The following MARF1 variants were observed in gnomAD, a reference collection of about 807,000 sequenced individuals.
The protein encoded by MARF1 is meiosis regulator and mRNA stability factor 1.
MARF1 carries 24 observed loss-of-function variants against 168.2 expected under a neutral mutation model. That is an observed-to-expected ratio of 0.14 (90% confidence interval 0.10 to 0.20). The LOEUF is 0.20. MARF1 is among the 10% of genes least tolerant of loss of function. MARF1 has a pLI of 1.00. For missense variants in MARF1, 1,744 were observed against 2,143.6 expected (o/e 0.81, Z 3.68); for synonymous variants, 868 against 822.4 (o/e 1.06, Z -0.95).
intron 20 of MARF1, among the ~76,000 whole-genome samples, chr16:15,608,977 G>A (rs978794673): frequency 5.9e-5 from 9 of 152,158 alleles, no homozygotes; most frequent in East Asian, 1.9e-4. Flanking sequence ...GGTGGCTCAC[G>A]CCTGTAATCC....
In MARF1 at chr16:15,596,575, G is replaced by T; in HGVS notation, c.*118C>A. ...AAACATGATAGAACACAGGTAAGAT[G>T]AAGTCAATGGCTTCGGGGGGTTTTC... On this transcript the variant is annotated 3_prime_UTR_variant, in exon 27 of 27. Transcript: ENST00000396368. The T allele has an allele frequency of 9.9e-7, 1 of 1,014,774 alleles. No individual in the cohort carries two copies. Among genetic ancestry groups the T allele is most frequent in the Non-Finnish European group, 1.4e-6 (1 of 715,818 alleles). The allele number at this position is 1,014,774 out of a possible 1,614,324, so 62.9% of individuals were successfully genotyped here. A position where few individuals can be genotyped will look rare whatever the true frequency, so the allele number is the denominator to read the frequency against.
intron 4 of MARF1, among the ~76,000 whole-genome samples, chr16:15,634,191 C>T (rs527841914): frequency 6.6e-6 from 1 of 152,198 alleles, no homozygotes; most frequent in South Asian, 2.1e-4. Flanking sequence ...CTCCAGGACC[C>T]GACTTTCAAG....
chr16:15,600,835 T>C, intron 23 of MARF1, 134 bp from the exon 24 acceptor site: 4 of 872,198 alleles, frequency 4.6e-6, no homozygotes, highest in South Asian at 1.4e-5. Flanking sequence ...AAGAAGCATG[T>C]TTCTCTACTC....
chr16:15,601,512 G>A (rs2032425456), intron 23 of MARF1: 2 of 227,732 alleles, frequency 8.8e-6, no homozygotes, highest in African/African-American at 2.3e-5. Context: ...TTAGCCTCTC[G>A]ACACTCCATG....
At chr16:15,603,617 T>C (rs1753753675) in intron 22 of MARF1, among the ~76,000 whole-genome samples, 1 of 152,222 alleles carries the variant, frequency 6.6e-6, no homozygotes, top group Non-Finnish European at 1.5e-5. Context: ...ATTGGTCTAA[T>C]TTTTAACTTC....
chr16:15,612,175 C>T (rs1157162074), intron 17 of MARF1, among the ~76,000 whole-genome samples: 1 of 152,166 alleles, frequency 6.6e-6, no homozygotes, highest in Non-Finnish European at 1.5e-5. Context: ...TTGTCTCCAA[C>T]TAGTTAAATT....
rs772886811 is a variant in MARF1 at position 15,634,824 on chromosome 16, G to A, written c.939C>T (p.Thr313=). 6.2e-7 allele frequency: 1 copy of A among 1,614,000 alleles called. No homozygotes were observed. Among genetic ancestry groups the A allele is most frequent in the Non-Finnish European group, 8.5e-7 (1 of 1,179,920 alleles). The stretch of plus-strand genomic sequence containing the variant: ...ACGTGGTCTCCTTCCCTGTTCCTTT[G>A]GTTCCACAGCCATTACACAGAGGGA... ...LAVPLCNGCG[T]KGTGKETTLL... is the part of the protein sequence containing the mutation. Residue 313 remains threonine (T), a synonymous_variant, in exon 4 of 27, where the codon ACC becomes ACT. Transcript: ENST00000396368.
intron 22 of MARF1, 66 bp downstream of exon 22, chr16:15,604,102 G>A: frequency 1.6e-6 from 2 of 1,228,818 alleles, no homozygotes; most frequent in South Asian, 2.6e-5. Flanking sequence ...TAGACCATCA[G>A]GTAATCCGGA....
At chr16:15,598,399 CTGTT>C (rs1006117318) in intron 26 of MARF1, among the ~76,000 whole-genome samples, 1 of 152,186 alleles carries the variant, frequency 6.6e-6, no homozygotes, top group Non-Finnish European at 1.5e-5. Context: ...AGCTTCCTGT[CTGTT>C]ATATCACTGG....
intron 16 of MARF1, among the ~76,000 whole-genome samples, chr16:15,613,589 G>C (rs931931891): frequency 1.3e-5 from 2 of 151,770 alleles, no homozygotes; most frequent in African/African-American, 4.8e-5. Context: ...ATGAACCCAG[G>C]AGGTGGAGCT....
chr16:15,621,704 C>T, intron 12 of MARF1, 29 bp downstream of exon 12: 3 of 1,586,596 alleles, frequency 1.9e-6, no homozygotes, highest in Non-Finnish European at 2.6e-6. Flanking sequence ...ATGTTATTTC[C>T]TGAAATAAAC....
At position 15,595,395 on chromosome 16, in the gene MARF1, T is replaced by G. The variant is rs2031579429; in HGVS notation, c.*1298A>C. 1 of 152,638 alleles carries G rather than the reference T, an allele frequency of 6.6e-6. No individual in the cohort carries two copies. The highest frequency in any genetic ancestry group is 2.4e-5 in the African/African-American group (1 of 41,462). The allele number at this position is 152,638 out of a possible 1,614,324, so 9.5% of individuals were successfully genotyped here. A position where few individuals can be genotyped will look rare whatever the true frequency, so the allele number is the denominator to read the frequency against. ...TCCCCAAAAGAAACCATCTAACTAG[T>G]GGAAGACCTTACGCCAACAGGTTCT... On this transcript the variant is annotated 3_prime_UTR_variant, in exon 27 of 27. Coordinates refer to ENST00000396368, the MANE Select transcript of MARF1 (RefSeq NM_014647.4).
chr16:15,599,007 G>C lies in MARF1; in HGVS notation c.4831C>G (p.Gln1611Glu). 1.9e-6 allele frequency: 3 copies of C among 1,609,304 alleles called. No individual in the cohort carries two copies. The highest frequency in any genetic ancestry group is 1.7e-6 in the Non-Finnish European group (2 of 1,177,968). Residue 1611 changes from glutamine (Q) to glutamate (E), a missense_variant, in exon 26 of 27, where the codon CAG becomes GAG. Physicochemically the swap from Gln to Glu is conservative, Grantham distance 29. Coordinates refer to ENST00000396368, the MANE Select transcript of MARF1 (RefSeq NM_014647.4). ...ADGSGPSHTE[Q>E]ELLRLTDDSP... Reference sequence around the variant, plus strand: ...TCGTCGGTCAGGCGGAGAAGCTCCTGCTCTGTGTGACTGGGCCCTGGGCAA... The same window carrying C: ...TCGTCGGTCAGGCGGAGAAGCTCCTCCTCTGTGTGACTGGGCCCTGGGCAA...
chr16:15,600,313 G>A, intron 25 of MARF1, 115 bp downstream of exon 25: 1 of 1,362,338 alleles, frequency 7.3e-7, no homozygotes, highest in Non-Finnish European at 1.0e-6. Context: ...GTGTGGCTAT[G>A]TAACTTCAGC....
rs1330196767 is a variant in MARF1, at chr16:15,635,975, C to A, written c.512G>T (p.Gly171Val). ...CATGCTGGGAAAGTCACTTGCAATG[C>A]CTGCCAAATTGTTCCTAGCTGAGGC... ...QNASARNNLA[G>V]IASDFPSMCL... Residue 171 changes from glycine (G) to valine (V), a missense_variant, in exon 3 of 27, where the codon GGC becomes GTC. Physicochemically the swap from Gly to Val is moderately radical, Grantham distance 109 (BLOSUM62 -3). Transcript: ENST00000396368. 1 of 1,614,152 alleles carries A rather than the reference C, an allele frequency of 6.2e-7. No homozygotes were observed. The highest frequency in any genetic ancestry group is 1.1e-5 in the South Asian group (1 of 91,086).
intron 23 of MARF1, chr16:15,601,070 A>T: frequency 2.0e-6 from 1 of 510,336 alleles, no homozygotes; most frequent in Non-Finnish European, 3.8e-6. Flanking sequence ...AATTAAGAGC[A>T]ATCTCTCAGA....
In MARF1 at chr16:15,624,853, T is replaced by C; in HGVS notation, c.2186A>G (p.Gln729Arg). 6.2e-7 allele frequency: 1 copy of C among 1,614,218 alleles called. No individual in the cohort carries two copies. The highest frequency in any genetic ancestry group is 1.1e-5 in the South Asian group (1 of 91,086). ...EKKDKEETVF[Q>R]VSYPSAFSKL... Reference sequence around the variant, plus strand: ...GCTAAAAGCAGACGGGTAACTCACTTGGAATACAGTCTCCTCTTTATCTTT... The same window carrying C: ...GCTAAAAGCAGACGGGTAACTCACTCGGAATACAGTCTCCTCTTTATCTTT... Residue 729 changes from glutamine to arginine, a missense_variant, in exon 10 of 27, where the codon CAA (glutamine) becomes CGA (arginine). Around this residue, in one of 7 missense-constraint regions of MARF1, gnomAD observed 270 missense variants for 260.6 expected, o/e 1.04. Transcript: ENST00000396368.
chr16:15,613,161 C>G (rs1385077896), intron 16 of MARF1, among the ~76,000 whole-genome samples: 1 of 152,132 alleles, frequency 6.6e-6, no homozygotes, highest in East Asian at 1.9e-4. Context: ...TATAAATGGT[C>G]ATCAGGTAGG....
Position 15,624,920 on chromosome 16 carries a change from T to C in MARF1, c.2119A>G (p.Asn707Asp). ...CTGGTAACACTTCGGGCACTGAGGTTCTCCTTTCTAACAGAAGGGGAAAAT... is the reference window on the plus strand; with the variant it reads ...CTGGTAACACTTCGGGCACTGAGGTCCTCCTTTCTAACAGAAGGGGAAAAT... ...PVYKTSQKKENLSARSVTSSP... is the reference protein window; with the variant it reads ...PVYKTSQKKEDLSARSVTSSP... The change falls in exon 10 of 27, where the codon AAC becomes GAC. Residue 707 changes from asparagine to aspartate, a missense_variant. Transcript: ENST00000396368. The C allele has an allele frequency of 6.2e-7, 1 of 1,614,014 alleles. No homozygotes were observed. The highest frequency in any genetic ancestry group is 8.5e-7 in the Non-Finnish European group (1 of 1,179,986).
Sources: allele counts gnomAD v4.1 joint callset (sites outside exome capture counted in the v4.1 genomes callset), GRCh38; gene constraint gnomAD v4.1.1; regional missense constraint gnomAD v4.1.1; transcripts MANE v1.5; gene names NCBI Gene and HGNC (gene_info 2026-07-23, HGNC 2026-07-21).